The following ADAM2 variants were observed in gnomAD, a reference collection of about 807,000 sequenced individuals.
The protein encoded by ADAM2 is ADAM metallopeptidase domain 2.
ADAM2 carries 101 observed loss-of-function variants against 99.3 expected under a neutral mutation model. The ratio of observed to expected loss-of-function variants is 1.02; its 90% CI spans 0.87 to 1.20. The LOEUF (loss-of-function observed/expected upper bound fraction) is 1.20, where lower values mean the gene tolerates loss of function less well. Ranked by LOEUF, ADAM2 falls within the 50% of genes most tolerant of loss-of-function variation. The pLI is 0.00. For missense variants in ADAM2, 948 were observed against 878.7 expected (o/e 1.08, Z -1.00); for synonymous variants, 323 against 287.6 (o/e 1.12, Z -1.25).
At chr8:39,818,519 A>G (rs1424187302) in intron 6 of ADAM2, among the ~76,000 whole-genome samples, 1 of 152,080 alleles carries the variant, frequency 6.6e-6, no homozygotes, top group Non-Finnish European at 1.5e-5. Context: ...TTGGGAAAAG[A>G]TGAGAACATC....
intron 2 of ADAM2, among the ~76,000 whole-genome samples, chr8:39,835,151 A>G (rs537854701): frequency 2.4e-4 from 37 of 152,170 alleles, no homozygotes; most frequent in Non-Finnish European, 4.0e-4. Flanking sequence ...TGAAGATTCG[A>G]CTTTATAAAG....
intron 7 of ADAM2, among the ~76,000 whole-genome samples, chr8:39,799,103 G>C (rs1436965365): frequency 6.6e-6 from 1 of 151,848 alleles, no homozygotes; most frequent in East Asian, 1.9e-4. Context: ...CTTTGCTCTT[G>C]CCTCTCTAGC....
chr8:39,770,939 T>C (rs368524121), intron 11 of ADAM2, among the ~76,000 whole-genome samples: 1 of 152,256 alleles, frequency 6.6e-6, no homozygotes, highest in Non-Finnish European at 1.5e-5. Flanking sequence ...GCTCATCATA[T>C]GCTTTGATTC....
chr8:39,768,625 G>C (rs1332199810), intron 12 of ADAM2, among the ~76,000 whole-genome samples: 1 of 152,116 alleles, frequency 6.6e-6, no homozygotes, highest in East Asian at 1.9e-4. Context: ...CATAGTGAAA[G>C]CTTTAAAATA....
At chr8:39,821,226 T>C (rs937088078) in intron 5 of ADAM2, 56 bp from the exon 6 acceptor site, 2 of 1,188,806 alleles carry the variant, frequency 1.7e-6, no homozygotes, top group African/African-American at 3.1e-5. Flanking sequence ...GAAAAGCCAA[T>C]AAAATGCCAC....
At chr8:39,796,064 T>C (rs192155980) in intron 7 of ADAM2, among the ~76,000 whole-genome samples, 124 of 151,536 alleles carry the variant, frequency 8.2e-4, no homozygotes, top group African/African-American at 2.1e-3. Flanking sequence ...TCTTTTTTTT[T>C]CCTTTATTTC....
intron 2 of ADAM2, among the ~76,000 whole-genome samples, chr8:39,834,356 C>T (rs1805733425): frequency 6.6e-6 from 1 of 152,028 alleles, no homozygotes; most frequent in African/African-American, 2.4e-5. Context: ...ATTTGACTTC[C>T]TTCTGATTTT....
chr8:39,770,570 G>T (rs966791228), intron 11 of ADAM2, among the ~76,000 whole-genome samples: 3 of 152,146 alleles, frequency 2.0e-5, no homozygotes, highest in Non-Finnish European at 4.4e-5. Context: ...TTTACAGGTT[G>T]TTTGTCCTTG....
At chr8:39,807,844 A>C (rs1804502422) in intron 7 of ADAM2, among the ~76,000 whole-genome samples, 1 of 152,206 alleles carries the variant, frequency 6.6e-6, no homozygotes, top group Non-Finnish European at 1.5e-5. Flanking sequence ...ACTGTAAGAC[A>C]CTTAACTGAT....
At chr8:39,771,739 A>C (rs1802787801) in intron 11 of ADAM2, among the ~76,000 whole-genome samples, 1 of 152,148 alleles carries the variant, frequency 6.6e-6, no homozygotes, top group Non-Finnish European at 1.5e-5. Context: ...CAGTTCCATC[A>C]ACCTTAAATA....
At chr8:39,787,124 T>C (rs1803497866) in intron 9 of ADAM2, 69 bp from the exon 10 acceptor site, 3 of 953,620 alleles carry the variant, frequency 3.1e-6, no homozygotes, top group Non-Finnish European at 4.7e-6. Flanking sequence ...ATAAGACAAA[T>C]TTTACATTTA....
chr8:39,749,574 TGTGTGTGTGTGC>T, intron 17 of ADAM2, 81 bp downstream of exon 17: 11 of 1,336,970 alleles, frequency 8.2e-6, no homozygotes, highest in Admixed American at 2.0e-5. Context: ...GGTGTGTGTG[TGTGTGTGTGTGC>T]GTGTGTGTGT....
intron 6 of ADAM2, among the ~76,000 whole-genome samples, chr8:39,812,238 AAGG>A (rs553506779): frequency 0.02 from 2,970 of 152,300 alleles, 71 homozygotes; most frequent in African/African-American, 0.069. Context: ...GGACCTCTTC[AAGG>A]AGAACTACAA....
chr8:39,838,162 G>A lies in ADAM2; in HGVS notation c.24C>T (p.Leu8=). The change falls in exon 1 of 21, where the codon CTC becomes CTT. Residue 8 remains leucine (L), a synonymous_variant. Coordinates refer to ENST00000265708, the MANE Select transcript of ADAM2 (RefSeq NM_001464.5). MWRVLFL[L]SGLGGLRMDS... The stretch of plus-strand genomic sequence containing the variant: ...CCATCCGCAGCCCGCCGAGCCCGCT[G>A]AGCAGAAACAAGACGCGCCACATGG... The A allele has an allele frequency of 6.2e-7, 1 of 1,614,158 alleles. No homozygotes were observed.
intron 3 of ADAM2, among the ~76,000 whole-genome samples, chr8:39,832,182 T>A (rs1361215449): frequency 2.0e-5 from 3 of 152,166 alleles, no homozygotes; most frequent in Non-Finnish European, 4.4e-5. Context: ...GTCCTTATTT[T>A]GTATATTTGA....
At chr8:39,754,908 T>C (rs1054505405) in intron 16 of ADAM2, among the ~76,000 whole-genome samples, 9 of 152,206 alleles carry the variant, frequency 5.9e-5, no homozygotes, top group Non-Finnish European at 1.2e-4. Flanking sequence ...GTAAGAAAGA[T>C]AGTTATGTAG....
intron 7 of ADAM2, among the ~76,000 whole-genome samples, chr8:39,802,265 C>T (rs1460729531): frequency 1.3e-5 from 2 of 152,198 alleles, no homozygotes; most frequent in Non-Finnish European, 2.9e-5. Context: ...TGGGCTGCCA[C>T]ACCACACTGC....
At chr8:39,776,346 A>T (rs117636214) in intron 11 of ADAM2, among the ~76,000 whole-genome samples, 2,755 of 152,174 alleles carry the variant, frequency 0.018, 46 homozygotes, top group Admixed American at 0.046. Flanking sequence ...GGGAATGGAG[A>T]CAGTGAGATG....
chr8:39,763,017 T>A (rs371888483), intron 14 of ADAM2, among the ~76,000 whole-genome samples: 51 of 152,302 alleles, frequency 3.3e-4, no homozygotes, highest in African/African-American at 1.2e-3. Flanking sequence ...TCTCAGTGTC[T>A]CATGACAGAT....
Sources: gnomAD v4.1 joint callset for allele counts (sites outside exome capture counted in the v4.1 genomes callset) on GRCh38, gnomAD v4.1.1 for gene constraint, MANE v1.5 for transcripts, NCBI Gene and HGNC (gene_info 2026-07-23, HGNC 2026-07-21) for gene names.